Variants in SMPD3 observed in about 807,000 individuals in gnomAD.
The protein encoded by SMPD3 is sphingomyelin phosphodiesterase 3, also known as nSMase-2.
In SMPD3, 21 loss-of-function variants were observed where a neutral mutation model predicts 55.7. The observed-to-expected ratio is 0.38, with a 90% CI of 0.27 to 0.54. SMPD3 has a LOEUF of 0.54. SMPD3 is among the 20% of genes least tolerant of loss of function. The pLI, the probability that SMPD3 is intolerant of heterozygous loss-of-function variation, is 0.80. For synonymous variants in SMPD3, 457 were observed against 404.3 expected (o/e 1.13, Z -1.56); for missense variants, 842 against 899.6 (o/e 0.94, Z 0.82).
At chr16:68,405,671 C>T (rs891367614) in intron 1 of SMPD3, among the ~76,000 whole-genome samples, 6 of 152,130 alleles carry the variant, frequency 3.9e-5, no homozygotes, top group Admixed American at 2.0e-4. Context: ...AGTGACTTCT[C>T]GGTGTAAAAG....
intron 2 of SMPD3, 50 bp from the exon 3 acceptor site, chr16:68,372,437 G>C: frequency 1.8e-6 from 1 of 547,118 alleles, no homozygotes; most frequent in Non-Finnish European, 3.3e-6. Context: ...TCAGGGGAGT[G>C]GGTCAGATAT....
intron 1 of SMPD3, among the ~76,000 whole-genome samples, chr16:68,410,852 G>C (rs905281529): frequency 1.3e-5 from 2 of 152,230 alleles, no homozygotes; most frequent in African/African-American, 4.8e-5. Flanking sequence ...CTGCAGCATC[G>C]AGGCACCTTG....
In SMPD3 at chr16:68,363,822, C is replaced by A; in HGVS notation, c.1600G>T (p.Asp534Tyr). Residue 534 changes from aspartate to tyrosine, a missense_variant, in exon 6 of 9, where the codon GAC (aspartate) becomes TAC (tyrosine). Asp to Tyr is a radical substitution (Grantham distance 160). Coordinates refer to ENST00000219334, the MANE Select transcript of SMPD3 (RefSeq NM_018667.4). ...QQHSLFTHYRDPCRLGPGEEK... is the reference protein window; with the variant it reads ...QQHSLFTHYRYPCRLGPGEEK... ...TCACCAGGCCCCAGGCGGCAGGGGT[C>A]CCTGTAGTGGGTGAACAGGGAGTGT... 1 of 1,571,846 alleles carries A rather than the reference C, an allele frequency of 6.4e-7. No homozygotes were observed. The highest frequency in any genetic ancestry group is 8.6e-7 in the Non-Finnish European group (1 of 1,158,396).
rs369601278 is a variant in SMPD3, at chr16:68,359,955, G to A, written c.*1251C>T. 8 of 152,642 alleles carry A rather than the reference G, an allele frequency of 5.2e-5. No homozygotes were observed. Among genetic ancestry groups the A allele is most frequent in the African/African-American group, 1.4e-4 (6 of 41,584 alleles). The allele number at this position is 152,642 out of a possible 1,614,324, so 9.5% of individuals were successfully genotyped here. ...AACTTGGGTGCCAGTACCACACCCT[G>A]CCCTGGGCATGCAGCAACTGTCAGC... On this transcript the variant is annotated 3_prime_UTR_variant, in exon 9 of 9. Coordinates refer to ENST00000219334, the MANE Select transcript of SMPD3 (RefSeq NM_018667.4).
At chr16:68,385,638 A>G (rs1334464231) in intron 2 of SMPD3, among the ~76,000 whole-genome samples, 2 of 152,194 alleles carry the variant, frequency 1.3e-5, no homozygotes, top group Middle Eastern at 3.4e-3. Flanking sequence ...GACAACGCTT[A>G]ATTTGTCAAT....
chr16:68,409,534 G>A (rs768357360), intron 1 of SMPD3, among the ~76,000 whole-genome samples: 4 of 152,194 alleles, frequency 2.6e-5, no homozygotes, highest in Non-Finnish European at 5.9e-5. Context: ...TGTCATGAGG[G>A]TAAACTGCAC....
chr16:68,365,475 C>T (rs901204177), intron 3 of SMPD3, among the ~76,000 whole-genome samples: 4 of 152,122 alleles, frequency 2.6e-5, no homozygotes, highest in South Asian at 2.1e-4. Context: ...CCCTCAGTTA[C>T]ACCCTAGACC....
intron 1 of SMPD3, among the ~76,000 whole-genome samples, chr16:68,420,863 C>T (rs141257035): frequency 6.2e-4 from 94 of 152,294 alleles, no homozygotes; most frequent in Non-Finnish European, 1.1e-3. Flanking sequence ...GCCCTGAACC[C>T]ACTTCAACAT....
intron 2 of SMPD3, among the ~76,000 whole-genome samples, chr16:68,374,995 C>A (rs1398195130): frequency 6.6e-6 from 1 of 152,220 alleles, no homozygotes; most frequent in Non-Finnish European, 1.5e-5. Flanking sequence ...CTTGGGGCCA[C>A]CTGGACGTCA....
chr16:68,393,000 A>C (rs144433238), intron 1 of SMPD3, among the ~76,000 whole-genome samples: 2 of 152,074 alleles, frequency 1.3e-5, no homozygotes, highest in African/African-American at 4.8e-5. Context: ...CTAACCTGTA[A>C]GAAACTAAAT....
rs12444999 is a variant in SMPD3, at chr16:68,397,456, C to G, written c.-268-10797G>C. Reference sequence around the variant, plus strand: ...TGGGGCTGAGGGATGATGGGGAACACCCCGGTCAAGCCCATTGTCTCTCCC... The same window carrying G: ...TGGGGCTGAGGGATGATGGGGAACAGCCCGGTCAAGCCCATTGTCTCTCCC... On this transcript the variant is annotated intron_variant, in intron 1 of 8. Transcript: ENST00000219334. Among the ~76,000 whole-genome samples, 33 of 152,254 alleles carry G rather than the reference C, an allele frequency of 2.2e-4. 1 individual carries two copies. The highest frequency in any genetic ancestry group is 6.8e-3 in the Middle Eastern group (2 of 294).
In SMPD3 at chr16:68,361,240, C is replaced by T. The variant is rs757380034; in HGVS notation, c.1934G>A (p.Arg645Gln). The T allele has an allele frequency of 9.3e-6, 15 of 1,613,854 alleles. No individual in the cohort carries two copies. The Middle Eastern group carries it at 4.9e-4, about 53-fold the overall frequency. The change falls in exon 9 of 9, where the codon CGA becomes CAA. Residue 645 changes from arginine to glutamine, a missense_variant. Coordinates refer to ENST00000219334, the MANE Select transcript of SMPD3 (RefSeq NM_018667.4). Reference protein sequence around the residue: ...GLTDHLPVAMRLMVSSGEEEA With the variant: ...GLTDHLPVAMQLMVSSGEEEA The stretch of plus-strand genomic sequence containing the variant: ...CTCCTCCCCCGAAGACACCATCAGT[C>T]GCATGGCTACTGGCAGGTGGTCCGT...
At chr16:68,364,946 C>T (rs2089431368) in intron 4 of SMPD3, 40 bp from the exon 5 acceptor site, 1 of 1,612,688 alleles carries the variant, frequency 6.2e-7, no homozygotes. Flanking sequence ...ATGAAGTTCG[C>T]CCCAGACCCC....
intron 1 of SMPD3, among the ~76,000 whole-genome samples, chr16:68,391,849 A>G (rs1475131868): frequency 6.6e-6 from 1 of 152,206 alleles, no homozygotes; most frequent in Non-Finnish European, 1.5e-5. Context: ...GGAAGTATAG[A>G]TGGTCTCTGA....
chr16:68,445,834 T>C (rs2090605197), intron 1 of SMPD3, among the ~76,000 whole-genome samples: 1 of 152,236 alleles, frequency 6.6e-6, no homozygotes, highest in Non-Finnish European at 1.5e-5. Context: ...ACCTTTGCTA[T>C]GCAAGTGCTG....
At chr16:68,363,683 C>A in intron 6 of SMPD3, 94 bp downstream of exon 6, 1 of 1,457,812 alleles carries the variant, frequency 6.9e-7, no homozygotes, top group Non-Finnish European at 9.4e-7. Context: ...GGCCCTTCCC[C>A]AGCAGTGGGG....
chr16:68,433,963 CAACCTTTCTA>C (rs1427932577), intron 1 of SMPD3, among the ~76,000 whole-genome samples: 1 of 151,766 alleles, frequency 6.6e-6, no homozygotes, highest in Non-Finnish European at 1.5e-5. Context: ...GCCTAAATTT[CAACCTTTCTA>C]AACATACCAT....
intron 1 of SMPD3, among the ~76,000 whole-genome samples, chr16:68,433,089 C>A (rs2090493021): frequency 6.6e-6 from 1 of 152,210 alleles, no homozygotes; most frequent in Non-Finnish European, 1.5e-5. Flanking sequence ...CAGGCATGAG[C>A]CACCATGCCC....
intron 1 of SMPD3, among the ~76,000 whole-genome samples, chr16:68,419,240 G>A (rs559602278): frequency 1.2e-3 from 182 of 152,334 alleles, no homozygotes; most frequent in Non-Finnish European, 1.9e-3. Context: ...GGCCACCAAT[G>A]AGACAGGAAG....
Sources: allele counts gnomAD v4.1 joint callset (sites outside exome capture counted in the v4.1 genomes callset), GRCh38; gene constraint gnomAD v4.1.1; transcripts MANE v1.5; gene names NCBI Gene and HGNC (gene_info 2026-07-23, HGNC 2026-07-21).